LYST: variants seen among roughly 807,000 people sequenced by gnomAD.
LYST encodes lysosomal-trafficking regulator.
In LYST, 192 loss-of-function variants were observed where a neutral mutation model predicts 413.6. The ratio of observed to expected loss-of-function variants is 0.46; its 90% CI spans 0.41 to 0.52. LYST has a LOEUF of 0.52. Ranked by LOEUF, LYST falls within the 20% of genes least tolerant of loss-of-function variation. The pLI is 0.00. For synonymous variants in LYST, 1,525 were observed against 1,567.3 expected (o/e 0.97, Z 0.64); for missense variants, 3,815 against 4,499.9 (o/e 0.85, Z 4.35).
intron 47 of LYST, among the ~76,000 whole-genome samples, chr1:235,689,865 C>A (rs1660518095): frequency 6.6e-6 from 1 of 152,152 alleles, no homozygotes; most frequent in East Asian, 1.9e-4. Context: ...AGCTTTGGAT[C>A]TGCTAAACTA....
At chr1:235,812,317 A>G (rs918287672) in intron 4 of LYST, among the ~76,000 whole-genome samples, 1 of 152,014 alleles carries the variant, frequency 6.6e-6, no homozygotes, top group Non-Finnish European at 1.5e-5. Context: ...CAGCCTGGCC[A>G]ACATGGTGAA....
rs1314711932 is a variant in LYST, at chr1:235,792,072, G to T, written c.4170C>A (p.Ser1390Arg). The change falls in exon 12 of 53, where the codon AGC becomes AGA. Residue 1390 changes from serine (S) to arginine (R), a missense_variant. Physicochemically the swap from Ser to Arg is moderately radical, Grantham distance 110. Around this residue, in one of 4 missense-constraint regions of LYST, gnomAD observed 1,648 missense variants for 1,810.3 expected, o/e 0.91. Transcript: ENST00000389793. ...LKIIESDTTM[S>R]PSQYLTFPLL... The stretch of plus-strand genomic sequence containing the variant: ...AAGGGAAGGTTAGATACTGTGAAGG[G>T]CTCATAGTAGTATCACTTTCAATAA... 6.2e-7 allele frequency: 1 copy of T among 1,612,240 alleles called. No individual in the cohort carries two copies. Among genetic ancestry groups the T allele is most frequent in the South Asian group, 1.1e-5 (1 of 91,050 alleles).
At chr1:235,796,060 A>G (rs951718392) in intron 10 of LYST, among the ~76,000 whole-genome samples, 7 of 152,118 alleles carry the variant, frequency 4.6e-5, no homozygotes, top group Non-Finnish European at 1.0e-4. Flanking sequence ...GTAGCACAAA[A>G]ACAGTGATGT....
intron 50 of LYST, among the ~76,000 whole-genome samples, chr1:235,669,449 C>A (rs528904321): frequency 6.6e-6 from 1 of 152,364 alleles, no homozygotes; most frequent in East Asian, 1.9e-4. Flanking sequence ...GGGAAATTGG[C>A]TGTCTGCAAC....
chr1:235,787,224 A>AT lies in LYST; in HGVS notation c.4837dup (p.Ile1613AsnfsTer12), dbSNP rs770889813. 6.2e-7 allele frequency: 1 copy of AT among 1,613,618 alleles called. No homozygotes were observed. Among genetic ancestry groups the AT allele is most frequent in the South Asian group, 1.1e-5 (1 of 91,074 alleles). Reference sequence around the variant, plus strand: ...CCTCTGTCCAGAGACCCATATGGAGATTTTCCCATGAATCCTCCTTTTCCC... The same window carrying AT: ...CCTCTGTCCAGAGACCCATATGGAGATTTTTCCCATGAATCCTCCTTTTCCC... On this transcript the variant is annotated frameshift_variant, in exon 14 of 53. Coordinates refer to ENST00000389793, the MANE Select transcript of LYST (RefSeq NM_000081.4). LOFTEE classifies it high-confidence loss of function.
Position 235,791,914 on chromosome 1 carries a change from A to G in LYST, c.4328T>C (p.Phe1443Ser). 5 of 1,614,114 alleles carry G rather than the reference A, an allele frequency of 3.1e-6. No individual in the cohort carries two copies. Among genetic ancestry groups the G allele is most frequent in the Non-Finnish European group, 4.2e-6 (5 of 1,179,976 alleles). ...RSKKEADRES[F>S]PHRLLSSWHI... Reference sequence around the variant, plus strand: ...CCAAGATGAAAGCAGCCGATGGGGAAAACTCTCTCTATCAGCCTCTTTCTT... The same window carrying G: ...CCAAGATGAAAGCAGCCGATGGGGAGAACTCTCTCTATCAGCCTCTTTCTT... Residue 1443 changes from phenylalanine (F) to serine (S), a missense_variant, in exon 12 of 53, where the codon TTT becomes TCT. Around this residue, in one of 4 missense-constraint regions of LYST, gnomAD observed 1,648 missense variants for 1,810.3 expected, o/e 0.91. Coordinates refer to ENST00000389793, the MANE Select transcript of LYST (RefSeq NM_000081.4).
chr1:235,773,659 T>C (rs1016436998), intron 19 of LYST, among the ~76,000 whole-genome samples, 183 bp downstream of exon 19: 2 of 152,112 alleles, frequency 1.3e-5, no homozygotes, highest in Non-Finnish European at 2.9e-5. Context: ...GTTTAAAGGG[T>C]ACAAAGTTTT....
At position 235,718,289 on chromosome 1, in the gene LYST, C is replaced by T. The variant is rs773481708; in HGVS notation, c.9561-1511G>A. Among the ~76,000 whole-genome samples the T allele has an allele frequency of 5.9e-5, 9 of 151,708 alleles. No individual in the cohort carries two copies. In the South Asian group the frequency reaches 1.9e-3, roughly 32 times the overall value. ...AATAAACTAAAAATCAGCCACAATACTATTACCCTAGGCCACACATGTTGG... is the reference window on the plus strand; with the variant it reads ...AATAAACTAAAAATCAGCCACAATATTATTACCCTAGGCCACACATGTTGG... On this transcript the variant is annotated intron_variant, in intron 40 of 52. Coordinates refer to ENST00000389793, the MANE Select transcript of LYST (RefSeq NM_000081.4).
At chr1:235,879,599 C>T (rs1174351494) in intron 1 of LYST, among the ~76,000 whole-genome samples, 1 of 152,192 alleles carries the variant, frequency 6.6e-6, no homozygotes, top group Non-Finnish European at 1.5e-5. Context: ...TCATCTTTTC[C>T]CCTCTAATTA....
chr1:235,834,343 C>G (rs190936124), intron 1 of LYST, among the ~76,000 whole-genome samples: 1 of 151,982 alleles, frequency 6.6e-6, no homozygotes, highest in Non-Finnish European at 1.5e-5. Flanking sequence ...CATAGTTATG[C>G]GGCAAACATG....
chr1:235,876,603 T>C (rs146369716), intron 1 of LYST, among the ~76,000 whole-genome samples: 135 of 152,364 alleles, frequency 8.9e-4, no homozygotes, highest in African/African-American at 3.1e-3. Flanking sequence ...TTATTTAAAT[T>C]CTGATTTTTT....
chr1:235,670,963 C>A (rs535107489), intron 50 of LYST, among the ~76,000 whole-genome samples: 29 of 152,272 alleles, frequency 1.9e-4, no homozygotes, highest in African/African-American at 7.0e-4. Flanking sequence ...CCTCTGATAA[C>A]CCTCTAAGTC....
chr1:235,709,853 T>C (rs1327610435), intron 43 of LYST, among the ~76,000 whole-genome samples: 1 of 145,182 alleles, frequency 6.9e-6, no homozygotes, highest in Non-Finnish European at 1.5e-5. Flanking sequence ...TCTATGGGTC[T>C]GTTCTGACTT....
chr1:235,824,291 T>C (rs1241281019), intron 3 of LYST, among the ~76,000 whole-genome samples: 1 of 152,238 alleles, frequency 6.6e-6, no homozygotes, highest in Non-Finnish European at 1.5e-5. Flanking sequence ...AAATTATGTA[T>C]CACTGAAATT....
intron 38 of LYST, among the ~76,000 whole-genome samples, chr1:235,726,949 T>C (rs935411890): frequency 3.3e-5 from 5 of 152,198 alleles, no homozygotes; most frequent in African/African-American, 1.2e-4. Flanking sequence ...AGGATCCATC[T>C]TGAAAAATAA....
chr1:235,689,373 A>G (rs59837312), intron 47 of LYST, among the ~76,000 whole-genome samples: 12,153 of 152,234 alleles, frequency 0.08, 1,579 homozygotes, highest in African/African-American at 0.27. Flanking sequence ...GGGACACTGT[A>G]TTAAGTAAAA....
chr1:235,763,656 G>A (rs569746998), intron 21 of LYST, among the ~76,000 whole-genome samples: 5 of 151,218 alleles, frequency 3.3e-5, no homozygotes, highest in South Asian at 2.1e-4. Flanking sequence ...ACGAGGTTTC[G>A]CTATGTTGAC....
intron 17 of LYST, among the ~76,000 whole-genome samples, chr1:235,775,708 TCC>T (rs973425401): frequency 1.3e-5 from 2 of 151,728 alleles, no homozygotes; most frequent in African/African-American, 4.8e-5. Flanking sequence ...GAGAGCCAAA[TCC>T]TGGAAAGCAG....
At chr1:235,737,472 T>C (rs1558170070) in intron 31 of LYST, 1 of 152,184 alleles carries the variant, frequency 6.6e-6, no homozygotes, top group Non-Finnish European at 1.5e-5. Context: ...GTCCTTAGAT[T>C]TGTAGTCTCT....
Sources: gnomAD v4.1 joint callset for allele counts (sites outside exome capture counted in the v4.1 genomes callset) on GRCh38, gnomAD v4.1.1 for gene constraint, gnomAD v4.1.1 regional missense constraint, MANE v1.5 for transcripts, NCBI Gene and HGNC (gene_info 2026-07-23, HGNC 2026-07-21) for gene names.